The following PANK1 variants were observed in gnomAD, a reference collection of about 807,000 sequenced individuals.
PANK1 encodes the protein pantothenic acid kinase 1.
Under a neutral mutation model 40.1 loss-of-function variants are expected in PANK1, and 18 were observed. That is an observed-to-expected ratio of 0.45 (90% CI 0.31 to 0.67). The LOEUF is 0.67. Ranked by LOEUF, PANK1 falls within the 30% of genes least tolerant of loss-of-function variation. The pLI, the probability that PANK1 is intolerant of heterozygous loss-of-function variation, is 0.06. For synonymous variants in PANK1, 242 were observed against 237.7 expected, an observed-to-expected ratio of 1.02 and a Z score of -0.17; for missense variants, 457 against 599.6, an observed-to-expected ratio of 0.76 and a Z score of 2.48.
chr10:89,615,974 T>C (rs1046725206), intron 1 of PANK1, among the ~76,000 whole-genome samples: 9 of 152,210 alleles, frequency 5.9e-5, no homozygotes, highest in African/African-American at 1.9e-4. Context: ...ATCAATTCAG[T>C]TGAACTACTA....
At chr10:89,643,919 A>C in intron 1 of PANK1, 1 of 1,325,878 alleles carries the variant, frequency 7.5e-7, no homozygotes. Flanking sequence ...ACAATTACAA[A>C]CCCTCAACTC....
intron 1 of PANK1, among the ~76,000 whole-genome samples, chr10:89,635,946 T>C (rs566758277): frequency 1.4e-4 from 22 of 152,194 alleles, no homozygotes; most frequent in Non-Finnish European, 2.2e-4. Flanking sequence ...CATCCTACCA[T>C]CTGGGAACAC....
chr10:89,607,774 C>T (rs906271035), intron 2 of PANK1, among the ~76,000 whole-genome samples: 1 of 152,082 alleles, frequency 6.6e-6, no homozygotes, highest in Non-Finnish European at 1.5e-5. Flanking sequence ...TTATTTAAAA[C>T]AAAACCCACA....
chr10:89,644,489 G>A (rs1398887456), intron 1 of PANK1, 111 bp downstream of exon 1: 3 of 956,426 alleles, frequency 3.1e-6, no homozygotes, highest in Non-Finnish European at 4.5e-6. Context: ...CTCGACCGCA[G>A]ACGCGGGGGC....
intron 2 of PANK1, among the ~76,000 whole-genome samples, chr10:89,606,506 T>A (rs1199379214): frequency 6.6e-6 from 1 of 152,102 alleles, no homozygotes; most frequent in Non-Finnish European, 1.5e-5. Context: ...ACCAACAACC[T>A]CTGCTACCTT....
chr10:89,588,889 G>A (rs894203059), intron 5 of PANK1, 112 bp from the exon 6 acceptor site: 2 of 645,328 alleles, frequency 3.1e-6, no homozygotes, highest in Non-Finnish European at 4.6e-6. Flanking sequence ...AATATTCCTT[G>A]TTTTTTTGGT....
intron 5 of PANK1, among the ~76,000 whole-genome samples, chr10:89,591,454 T>G (rs1423182946): frequency 6.6e-6 from 1 of 152,158 alleles, no homozygotes; most frequent in African/African-American, 2.4e-5. Context: ...AGCAAAAATG[T>G]TTTAGATTTG....
intron 1 of PANK1, chr10:89,613,880 T>G (rs543534568): frequency 4.6e-6 from 2 of 431,758 alleles, no homozygotes; most frequent in African/African-American, 4.1e-5. Flanking sequence ...ATTCGGAACA[T>G]CTGCTTCCCT....
At chr10:89,615,806 A>C (rs1363979636) in intron 1 of PANK1, among the ~76,000 whole-genome samples, 1 of 152,210 alleles carries the variant, frequency 6.6e-6, no homozygotes, top group Non-Finnish European at 1.5e-5. Flanking sequence ...TAAATGTACA[A>C]TTTTATTCAT....
chr10:89,605,760 T>C (rs1261270481), intron 2 of PANK1, among the ~76,000 whole-genome samples: 1 of 152,224 alleles, frequency 6.6e-6, no homozygotes, highest in Non-Finnish European at 1.5e-5. Flanking sequence ...GTGAATCTTT[T>C]CCAGAGGTTT....
chr10:89,636,430 G>A (rs562777218), intron 1 of PANK1, among the ~76,000 whole-genome samples: 7 of 151,660 alleles, frequency 4.6e-5, no homozygotes, highest in South Asian at 4.2e-4. Flanking sequence ...TCGGCCCCCC[G>A]GGGTGCACGC....
At chr10:89,632,853 C>T (rs1180538864) in intron 1 of PANK1, among the ~76,000 whole-genome samples, 1 of 152,188 alleles carries the variant, frequency 6.6e-6, no homozygotes, top group Non-Finnish European at 1.5e-5. Context: ...ACAGTGACCC[C>T]TGAAGTATTT....
intron 1 of PANK1, among the ~76,000 whole-genome samples, chr10:89,644,374 G>C (rs1842051054): frequency 6.6e-6 from 1 of 152,158 alleles, no homozygotes; most frequent in African/African-American, 2.4e-5. Flanking sequence ...TCCAATCCTC[G>C]TTCTACTGAT....
At chr10:89,634,847 C>A (rs1212212774) in intron 1 of PANK1, among the ~76,000 whole-genome samples, 3 of 152,166 alleles carry the variant, frequency 2.0e-5, no homozygotes, top group Non-Finnish European at 4.4e-5. Flanking sequence ...ACAGGGTATG[C>A]TAAACTTGGT....
At chr10:89,621,569 C>A (rs1845487204) in intron 1 of PANK1, among the ~76,000 whole-genome samples, 1 of 152,142 alleles carries the variant, frequency 6.6e-6, no homozygotes, top group Non-Finnish European at 1.5e-5. Context: ...CAATAGGTAT[C>A]TGAGCCCATT....
At position 89,593,267 on chromosome 10, in the gene PANK1, A is replaced by T; in HGVS notation, c.1130T>A (p.Leu377His). Residue 377 changes from leucine to histidine, a missense_variant, in exon 5 of 7, where the codon CTC (leucine) becomes CAC (histidine). Leu to His is a moderately conservative substitution (Grantham distance 99). Transcript: ENST00000307534. ...GATGGTGACCAATGTGGCCCGGGCG[A>T]GGTCTTCCTTGCTGATGGAATCTCG... ...EKRDSISKED[L>H]ARATLVTITN... 6.2e-7 allele frequency: 1 copy of T among 1,613,730 alleles called. No homozygotes were observed. Among genetic ancestry groups the T allele is most frequent in the Non-Finnish European group, 8.5e-7 (1 of 1,179,716 alleles).
In PANK1 at chr10:89,583,857, T is replaced by G. The variant is rs80072416; in HGVS notation, c.*549A>C. On this transcript the variant is annotated 3_prime_UTR_variant, in exon 7 of 7. Transcript: ENST00000307534. ...GACAGAAACAGAGGGAACGACTCTT[T>G]TTTCAGAAGACAACTAAAACAGAAA... 6.5e-6 allele frequency: 1 copy of G among 152,702 alleles called. No individual in the cohort carries two copies. Among genetic ancestry groups the G allele is most frequent in the African/African-American group, 2.4e-5 (1 of 41,542 alleles). The allele number at this position is 152,702 out of a possible 1,614,324, so 9.5% of individuals were successfully genotyped here.
chr10:89,619,540 C>T (rs76842304), intron 1 of PANK1, among the ~76,000 whole-genome samples: 103 of 152,300 alleles, frequency 6.8e-4, no homozygotes, highest in African/African-American at 2.5e-3. Context: ...AAGAAGTGTT[C>T]CTGGTGAGGC....
At chr10:89,593,414 G>C (rs1402806244) in intron 4 of PANK1, 94 bp from the exon 5 acceptor site, 9 of 1,396,326 alleles carry the variant, frequency 6.4e-6, no homozygotes, top group Non-Finnish European at 7.8e-6. Flanking sequence ...ACGAGTAACT[G>C]TTCAAACTCA....
Sources: gnomAD v4.1 joint callset for allele counts (sites outside exome capture counted in the v4.1 genomes callset) on GRCh38, gnomAD v4.1.1 for gene constraint, MANE v1.5 for transcripts, NCBI Gene and HGNC (gene_info 2026-07-23, HGNC 2026-07-21) for gene names.